Variants in CSMD1 observed in about 807,000 individuals in gnomAD.
The protein encoded by CSMD1 is CUB and sushi domain-containing protein 1.
CSMD1 carries 213 observed loss-of-function variants against 417.5 expected under a neutral mutation model. The observed-to-expected ratio is 0.51, with a 90% CI of 0.46 to 0.57. CSMD1 has a LOEUF of 0.57. Ranked by LOEUF, CSMD1 falls within the 20% of genes least tolerant of loss-of-function variation. CSMD1 has a pLI of 0.00. For missense variants in CSMD1, 6,923 were observed against 4,529.7 expected, an observed-to-expected ratio of 1.53 and a Z score of -15.17; for synonymous variants, 2,862 against 1,736.8, an observed-to-expected ratio of 1.65 and a Z score of -16.11.
intron 4 of CSMD1, among the ~76,000 whole-genome samples, chr8:4,003,428 A>T (rs1472162816): frequency 6.6e-6 from 1 of 151,544 alleles, no homozygotes; most frequent in East Asian, 1.9e-4. Flanking sequence ...ACAAATAAAT[A>T]AATAAATAAA....
At chr8:4,477,594 C>G (rs1459979788) in intron 2 of CSMD1, among the ~76,000 whole-genome samples, 1 of 152,102 alleles carries the variant, frequency 6.6e-6, no homozygotes, top group South Asian at 2.1e-4. Flanking sequence ...TGAGAAGTTC[C>G]TATTTAAACT....
At chr8:4,034,089 A>C (rs540859902) in intron 3 of CSMD1, among the ~76,000 whole-genome samples, 4 of 152,168 alleles carry the variant, frequency 2.6e-5, no homozygotes, top group Non-Finnish European at 4.4e-5. Context: ...ATGGGGGTGT[A>C]TTTTAATGTA....
At chr8:2,975,398 C>T (rs777126764) in intron 55 of CSMD1, among the ~76,000 whole-genome samples, 21 of 152,168 alleles carry the variant, frequency 1.4e-4, no homozygotes, top group Non-Finnish European at 2.4e-4. Context: ...CAAAAATAAC[C>T]GATTTGAGAC....
chr8:4,415,208 T>A (rs1796866005), intron 3 of CSMD1, among the ~76,000 whole-genome samples: 1 of 152,094 alleles, frequency 6.6e-6, no homozygotes, highest in African/African-American at 2.4e-5. Context: ...CTCAGGATCA[T>A]CCGCCTCCGC....
At chr8:3,233,943 C>T (rs117432997) in intron 26 of CSMD1, among the ~76,000 whole-genome samples, 1,870 of 152,250 alleles carry the variant, frequency 0.012, 20 homozygotes, top group Non-Finnish European at 0.018. Context: ...GTGTGAATCC[C>T]GCCGGCGGTT....
intron 5 of CSMD1, among the ~76,000 whole-genome samples, chr8:3,917,096 A>T (rs1808881740): frequency 6.6e-6 from 1 of 152,136 alleles, no homozygotes; most frequent in African/African-American, 2.4e-5. Context: ...ATTTATTCAG[A>T]ATTTTAAAAT....
At chr8:3,858,275 T>G (rs962308496) in intron 5 of CSMD1, among the ~76,000 whole-genome samples, 3 of 152,166 alleles carry the variant, frequency 2.0e-5, no homozygotes, top group Non-Finnish European at 4.4e-5. Flanking sequence ...AGGATGGGCC[T>G]TATCAAACCC....
chr8:4,325,548 G>C lies in CSMD1; in HGVS notation c.415+94405C>G, dbSNP rs116838465. Among the ~76,000 whole-genome samples the C allele has an allele frequency of 4.1e-3, 619 of 152,276 alleles. 6 individuals carry two copies. The highest frequency in any genetic ancestry group is 0.014 in the African/African-American group (591 of 41,554). ...GCATGAATATCCATGGCAACCAAAA[G>C]CATGCCTACCTTGTTAGCTTTTCCG... On this transcript the variant is annotated intron_variant, in intron 3 of 69. Transcript: ENST00000635120.
At chr8:4,433,533 G>C (rs992501811) in intron 2 of CSMD1, among the ~76,000 whole-genome samples, 3 of 152,130 alleles carry the variant, frequency 2.0e-5, no homozygotes, top group African/African-American at 7.2e-5. Context: ...CCCCCTGCCG[G>C]CAAGAAAAAC....
intron 36 of CSMD1, 102 bp from the exon 37 acceptor site, chr8:3,181,316 G>A: frequency 2.6e-6 from 2 of 756,916 alleles, no homozygotes; most frequent in East Asian, 2.8e-5. Context: ...AATCCCTACA[G>A]TTTGTCTGAT....
At chr8:4,697,766 C>T (rs980178197) in intron 1 of CSMD1, among the ~76,000 whole-genome samples, 17 of 152,152 alleles carry the variant, frequency 1.1e-4, no homozygotes, top group Non-Finnish European at 2.4e-4. Flanking sequence ...ACTCATTTGG[C>T]ATTACAAACT....
chr8:4,097,580 T>G (rs927562066), intron 3 of CSMD1, among the ~76,000 whole-genome samples: 9 of 152,216 alleles, frequency 5.9e-5, no homozygotes, highest in African/African-American at 2.2e-4. Context: ...AGTATGATTC[T>G]AGTAACACCC....
At chr8:3,452,370 A>G (rs1386688247) in intron 12 of CSMD1, among the ~76,000 whole-genome samples, 2 of 152,178 alleles carry the variant, frequency 1.3e-5, no homozygotes, top group Non-Finnish European at 2.9e-5. Flanking sequence ...AGCAGTGGTG[A>G]GAGAGGGCAC....
intron 8 of CSMD1, among the ~76,000 whole-genome samples, chr8:3,591,735 TACAC>T (rs1228006757): frequency 6.6e-6 from 1 of 151,648 alleles, no homozygotes; most frequent in Non-Finnish European, 1.5e-5. Context: ...AGATGACAGA[TACAC>T]AGATAAACGG....
intron 1 of CSMD1, among the ~76,000 whole-genome samples, chr8:4,958,344 G>A (rs904107011): frequency 4.6e-5 from 7 of 152,100 alleles, no homozygotes; most frequent in Non-Finnish European, 5.9e-5. Context: ...TCAAGTTAAA[G>A]GTGAACATGG....
intron 3 of CSMD1, among the ~76,000 whole-genome samples, chr8:4,314,859 G>T (rs769364739): frequency 6.6e-6 from 1 of 152,194 alleles, no homozygotes; most frequent in Non-Finnish European, 1.5e-5. Flanking sequence ...GACAAGCTGG[G>T]TGTTAGAAAA....
chr8:4,104,335 C>A (rs1255990934), intron 3 of CSMD1, among the ~76,000 whole-genome samples: 1 of 152,204 alleles, frequency 6.6e-6, no homozygotes, highest in East Asian at 1.9e-4. Context: ...GTGCTTAGAA[C>A]ACAAAAGGCA....
At chr8:4,020,732 C>G (rs577581764) in intron 4 of CSMD1, among the ~76,000 whole-genome samples, 8 of 152,320 alleles carry the variant, frequency 5.3e-5, no homozygotes, top group African/African-American at 1.9e-4. Flanking sequence ...CTTCTGTAAT[C>G]TTCATTCATT....
intron 26 of CSMD1, among the ~76,000 whole-genome samples, chr8:3,262,575 G>C (rs1426068526): frequency 6.6e-6 from 1 of 151,590 alleles, no homozygotes; most frequent in Non-Finnish European, 1.5e-5. Flanking sequence ...AAAGGACAAA[G>C]ATTCCCTGTT....
Sources: allele counts gnomAD v4.1 joint callset (sites outside exome capture counted in the v4.1 genomes callset), GRCh38; gene constraint gnomAD v4.1.1; transcripts MANE v1.5; gene names NCBI Gene and HGNC (gene_info 2026-07-23, HGNC 2026-07-21).